TBC1D8: variants seen among roughly 807,000 people sequenced by gnomAD.
TBC1D8 encodes the protein TBC1 domain family member 8, also known as BUB2-like protein 1.
In TBC1D8, 65 loss-of-function variants were observed where a neutral mutation model predicts 118.8. The observed-to-expected ratio is 0.55, with a 90% CI of 0.45 to 0.67. The LOEUF (loss-of-function observed/expected upper bound fraction) is 0.67, where lower values mean the gene tolerates loss of function less well. Ranked by LOEUF, TBC1D8 falls within the 30% of genes least tolerant of loss-of-function variation. The probability of loss-of-function intolerance (pLI) is 0.00; values close to 1 mark genes in which losing one functional copy is unlikely to be tolerated. For missense variants in TBC1D8, 1,376 were observed against 1,471.2 expected, an observed-to-expected ratio of 0.94 and a Z score of 1.06; for synonymous variants, 566 against 595.8, an observed-to-expected ratio of 0.95 and a Z score of 0.73.
intron 2 of TBC1D8, among the ~76,000 whole-genome samples, chr2:101,083,861 G>A (rs558948822): frequency 4.0e-4 from 61 of 152,246 alleles, no homozygotes; most frequent in African/African-American, 1.4e-3. Flanking sequence ...TATTAACTAC[G>A]GTGAGTCAAT....
chr2:101,139,393 G>A (rs1438149786), intron 1 of TBC1D8, among the ~76,000 whole-genome samples: 2 of 150,010 alleles, frequency 1.3e-5, no homozygotes, highest in Non-Finnish European at 1.5e-5. Flanking sequence ...CTACTTCCTC[G>A]CCACCCTCCA....
intron 2 of TBC1D8, among the ~76,000 whole-genome samples, chr2:101,069,311 G>C (rs1210496369): frequency 6.6e-6 from 1 of 151,830 alleles, no homozygotes; most frequent in Non-Finnish European, 1.5e-5. Flanking sequence ...AAAAGGCCAG[G>C]CACAGTGGCT....
intron 6 of TBC1D8, among the ~76,000 whole-genome samples, chr2:101,039,165 A>C (rs1382470423): frequency 3.3e-5 from 5 of 152,202 alleles, no homozygotes; most frequent in African/African-American, 1.2e-4. Context: ...CAGCAATGTG[A>C]ATGTACTTAA....
In TBC1D8 at chr2:101,038,671, C is replaced by T. The variant is rs1681190943; in HGVS notation, c.1081-16G>A. 6.2e-7 allele frequency: 1 copy of T among 1,612,684 alleles called. No individual in the cohort carries two copies. The highest frequency in any genetic ancestry group is 8.5e-7 in the Non-Finnish European group (1 of 1,179,218). ...TGCTCACCACCTGCGCGAGAGGCAA[C>T]ATGCAGGGACAGAAGGGCGGGAGGA... On this transcript the variant is annotated splice_polypyrimidine_tract_variant and intron_variant, in intron 6 of 19. Transcript: ENST00000409318.
intron 1 of TBC1D8, among the ~76,000 whole-genome samples, chr2:101,133,286 T>C (rs995195557): frequency 6.6e-6 from 1 of 152,120 alleles, no homozygotes; most frequent in Admixed American, 6.5e-5. Flanking sequence ...ACATAGCATA[T>C]TAGAATGAGC....
At chr2:101,056,190 G>A (rs1466851101) in intron 3 of TBC1D8, among the ~76,000 whole-genome samples, 1 of 147,082 alleles carries the variant, frequency 6.8e-6, no homozygotes, top group African/African-American at 2.6e-5. Flanking sequence ...ACAATGTAAT[G>A]TAAAATTATT....
At chr2:101,064,766 A>G (rs879835877) in intron 2 of TBC1D8, among the ~76,000 whole-genome samples, 3 of 152,194 alleles carry the variant, frequency 2.0e-5, no homozygotes, top group Non-Finnish European at 4.4e-5. Context: ...GAACAACCAG[A>G]GGTGGTCAAC....
At chr2:101,016,582 C>G (rs1164922656) in intron 17 of TBC1D8, among the ~76,000 whole-genome samples, 2 of 152,032 alleles carry the variant, frequency 1.3e-5, no homozygotes, top group Non-Finnish European at 2.9e-5. Flanking sequence ...GGGTATACAC[C>G]CAAAGGACTA....
At chr2:101,102,878 T>TA (rs558407070) in intron 1 of TBC1D8, among the ~76,000 whole-genome samples, 2,697 of 147,850 alleles carry the variant, frequency 0.018, 70 homozygotes, top group African/African-American at 0.054. Context: ...AAAATAAAAT[T>TA]AAAAAAAAAA....
Position 101,037,558 on chromosome 2 carries a change from C to G in TBC1D8, c.1426G>C (p.Gly476Arg), listed in dbSNP as rs762183046. 1.2e-6 allele frequency: 2 copies of G among 1,612,928 alleles called. No individual in the cohort carries two copies. Among genetic ancestry groups the G allele is most frequent in the South Asian group, 2.2e-5 (2 of 91,038 alleles). Residue 476 changes from glycine to arginine, a missense_variant, in exon 8 of 20, where the codon GGC (glycine) becomes CGC (arginine). Transcript: ENST00000409318. ...DALVTAFQQS[G>R]SQSPDSRMSR... ...ATTCGGGAGTCAGGGCTCTGGCTGCCTGACTGCTGGAAGGCGGTGACCAGG... is the reference window on the plus strand; with the variant it reads ...ATTCGGGAGTCAGGGCTCTGGCTGCGTGACTGCTGGAAGGCGGTGACCAGG...
At chr2:101,117,021 A>G (rs754942850) in intron 1 of TBC1D8, among the ~76,000 whole-genome samples, 5 of 152,160 alleles carry the variant, frequency 3.3e-5, no homozygotes, top group African/African-American at 4.8e-5. Flanking sequence ...TGGTGTCATC[A>G]CGAGCAGACG....
Position 101,007,821 on chromosome 2 carries a change from C to G in TBC1D8, c.3468G>C (p.Ter1156TyrextTer26). 6.2e-7 allele frequency: 1 copy of G among 1,613,088 alleles called. No homozygotes were observed. The highest frequency in any genetic ancestry group is 8.5e-7 in the Non-Finnish European group (1 of 1,179,324). The change falls in exon 20 of 20, where the codon TAG becomes TAC. Residue 1156 changes from the stop codon to tyrosine, a stop_lost. Transcript: ENST00000409318. ...AGTGTGCATAGCAGCTGCTGTCTTG[C>G]TACAAGTTACTCAGCTTAAGTTCAG... ...SQSELKLSNL[*>Y]
intron 5 of TBC1D8, among the ~76,000 whole-genome samples, chr2:101,044,912 C>A (rs1361125569): frequency 6.6e-6 from 1 of 152,114 alleles, no homozygotes; most frequent in Non-Finnish European, 1.5e-5. Context: ...CCATGCCCAG[C>A]TAATTTTTGT....
chr2:101,092,026 G>T (rs1676072179), intron 1 of TBC1D8, among the ~76,000 whole-genome samples: 2 of 152,164 alleles, frequency 1.3e-5, no homozygotes, highest in African/African-American at 2.4e-5. Flanking sequence ...CATTAATATT[G>T]ATATGGCCCT....
In TBC1D8 at chr2:101,085,872, C is replaced by T. The variant is rs532895381; in HGVS notation, c.283+4337G>A. On this transcript the variant is annotated intron_variant, in intron 2 of 19. Transcript: ENST00000409318. ...CAACTTGACAACAGGCCGGGCGCGG[C>T]GGCTCACGCCTGTAACCTCAGCACT... Among the ~76,000 whole-genome samples, 7 of 152,254 alleles carry T rather than the reference C, an allele frequency of 4.6e-5. No individual in the cohort carries two copies. The East Asian group carries it at 5.8e-4, about 13-fold the overall frequency.
intron 2 of TBC1D8, among the ~76,000 whole-genome samples, chr2:101,072,186 A>G (rs1427128288): frequency 6.6e-6 from 1 of 152,200 alleles, no homozygotes; most frequent in African/African-American, 2.4e-5. Flanking sequence ...GCACTGCTAT[A>G]AAGGAATACC....
chr2:101,032,487 A>C, intron 10 of TBC1D8, 102 bp from the exon 11 acceptor site: 3 of 936,790 alleles, frequency 3.2e-6, no homozygotes, highest in Non-Finnish European at 3.3e-6. Context: ...TAAAGATTTC[A>C]TAGGTGAGAG....
chr2:101,064,957 G>A (rs1006340644), intron 2 of TBC1D8, among the ~76,000 whole-genome samples: 2 of 152,108 alleles, frequency 1.3e-5, no homozygotes, highest in Non-Finnish European at 2.9e-5. Flanking sequence ...CATCTGACTC[G>A]GGCCTGGCTC....
At chr2:101,051,554 T>C (rs1349451699) in intron 4 of TBC1D8, among the ~76,000 whole-genome samples, 1 of 152,064 alleles carries the variant, frequency 6.6e-6, no homozygotes, top group Non-Finnish European at 1.5e-5. Context: ...GCAAACTAGA[T>C]ATCTCACAAA....
Sources: gnomAD v4.1 joint callset for allele counts (sites outside exome capture counted in the v4.1 genomes callset) on GRCh38, gnomAD v4.1.1 for gene constraint, MANE v1.5 for transcripts, NCBI Gene and HGNC (gene_info 2026-07-23, HGNC 2026-07-21) for gene names.